KLHL32: variants seen among roughly 807,000 people sequenced by gnomAD.
KLHL32 encodes the protein kelch-like protein 32.
In KLHL32, 35 loss-of-function variants were observed where a neutral mutation model predicts 64.8. The ratio of observed to expected loss-of-function variants is 0.54; its 90% CI spans 0.41 to 0.72. The LOEUF (loss-of-function observed/expected upper bound fraction) is 0.72. Ranked by LOEUF, KLHL32 falls within the 30% of genes least tolerant of loss-of-function variation. KLHL32 has a pLI of 0.00. For synonymous variants in KLHL32, 259 were observed against 281.0 expected (o/e 0.92, Z 0.78); for missense variants, 589 against 768.5 (o/e 0.77, Z 2.76).
rs138422546 is a variant in KLHL32, at chr6:96,981,920, C to T, written c.204+5743C>T. 4.4e-3 allele frequency among the ~76,000 whole-genome samples: 661 copies of T among 151,946 alleles called. 14 individuals are homozygous for T. The highest frequency in any genetic ancestry group is 0.015 in the African/African-American group (635 of 41,462). Reference sequence around the variant, plus strand: ...TTACACTTTGGTCTGAGAGTGTGATCGGTATAATGTCAGTTTTTTTTAATT... The same window carrying T: ...TTACACTTTGGTCTGAGAGTGTGATTGGTATAATGTCAGTTTTTTTTAATT... On this transcript the variant is annotated intron_variant, in intron 3 of 10. Coordinates refer to ENST00000369261, the MANE Select transcript of KLHL32 (RefSeq NM_052904.4).
At chr6:97,060,667 A>T (rs1366560771) in intron 4 of KLHL32, among the ~76,000 whole-genome samples, 2 of 152,146 alleles carry the variant, frequency 1.3e-5, no homozygotes, top group Non-Finnish European at 2.9e-5. Context: ...CCTGTCTGCT[A>T]CCAACCCTGC....
At chr6:96,982,523 A>C (rs113156826) in intron 3 of KLHL32, among the ~76,000 whole-genome samples, 1 of 152,080 alleles carries the variant, frequency 6.6e-6, no homozygotes, top group South Asian at 2.1e-4. Flanking sequence ...CTGCCTTTTA[A>C]TTGGGGCATT....
chr6:97,084,419 C>T (rs1793076823), intron 5 of KLHL32, among the ~76,000 whole-genome samples: 1 of 152,084 alleles, frequency 6.6e-6, no homozygotes, highest in Non-Finnish European at 1.5e-5. Flanking sequence ...CAGGTAAAAT[C>T]CTCCCAAATT....
In KLHL32 at chr6:97,114,462, T is replaced by C; in HGVS notation, c.1307T>C (p.Leu436Pro). ...TTTGTTCAGTCCTTTGACAGATCCC[T>C]TTCATGCCATGCTGGATATGTGGCT... ...WTFVQSFDRS[L>P]SCHAGYVADG... is the part of the protein sequence containing the mutation. The change falls in exon 7 of 11, where the codon CTT becomes CCT. Residue 436 changes from leucine (L) to proline (P), a missense_variant. Transcript: ENST00000369261. 1 of 1,614,146 alleles carries C rather than the reference T, an allele frequency of 6.2e-7. No homozygotes were observed. Among genetic ancestry groups the C allele is most frequent in the Middle Eastern group, 1.6e-4 (1 of 6,062 alleles).
intron 6 of KLHL32, among the ~76,000 whole-genome samples, chr6:97,110,280 A>G (rs1796945262): frequency 6.6e-6 from 1 of 152,174 alleles, no homozygotes; most frequent in Non-Finnish European, 1.5e-5. Context: ...CTATAAAAGC[A>G]TCTAGAGTGT....
chr6:96,934,652 G>A (rs556020616), intron 1 of KLHL32, among the ~76,000 whole-genome samples: 5 of 152,322 alleles, frequency 3.3e-5, no homozygotes, highest in African/African-American at 1.2e-4. Context: ...CTAATTAGGC[G>A]GATTGCTGCA....
chr6:97,127,533 T>C (rs1212927308), intron 8 of KLHL32, 71 bp downstream of exon 8: 2 of 1,252,604 alleles, frequency 1.6e-6, no homozygotes, highest in Non-Finnish European at 2.3e-6. Context: ...TAATTAGTAA[T>C]TGGAATGCCA....
At chr6:97,064,291 A>G (rs1279545062) in intron 4 of KLHL32, among the ~76,000 whole-genome samples, 2 of 152,228 alleles carry the variant, frequency 1.3e-5, no homozygotes, top group African/African-American at 4.8e-5. Context: ...TGCATTTTAT[A>G]AGATTATATC....
intron 1 of KLHL32, among the ~76,000 whole-genome samples, chr6:96,945,659 A>G (rs1381648491): frequency 1.3e-5 from 2 of 152,220 alleles, no homozygotes; most frequent in African/African-American, 2.4e-5. Flanking sequence ...AACATTGGTG[A>G]CTTGGGCAGC....
intron 6 of KLHL32, among the ~76,000 whole-genome samples, chr6:97,100,965 G>GTTTTTTTTTTT (rs1562337104): frequency 6.9e-5 from 3 of 43,244 alleles, no homozygotes; most frequent in African/African-American, 2.2e-4. Flanking sequence ...CTGCAGCCAA[G>GTTTTTTTTTTT]CTTTTTTTTT....
intron 3 of KLHL32, among the ~76,000 whole-genome samples, chr6:97,025,572 G>A (rs1582756117): frequency 6.6e-6 from 1 of 152,314 alleles, no homozygotes; most frequent in East Asian, 1.9e-4. Flanking sequence ...AAGAAGTGGA[G>A]GAGAGGAGGT....
intron 6 of KLHL32, among the ~76,000 whole-genome samples, chr6:97,096,039 T>G (rs1229521405): frequency 2.0e-5 from 3 of 152,134 alleles, no homozygotes; most frequent in Non-Finnish European, 4.4e-5. Context: ...AGGCAACAAA[T>G]TTTGCTAAAT....
intron 6 of KLHL32, among the ~76,000 whole-genome samples, chr6:97,093,660 C>T (rs775077196): frequency 6.6e-6 from 1 of 152,146 alleles, no homozygotes; most frequent in Admixed American, 6.5e-5. Context: ...CCAATAAAGT[C>T]GTACAGGAAA....
chr6:96,931,878 A>AT (rs1306185484), intron 1 of KLHL32, among the ~76,000 whole-genome samples: 1 of 148,310 alleles, frequency 6.7e-6, no homozygotes, highest in Non-Finnish European at 1.5e-5. Flanking sequence ...CAAAATCATT[A>AT]TGAAAAAAAA....
At chr6:96,924,103 C>G (rs1184925945), upstream of KLHL32, among the ~76,000 whole-genome samples, 1 of 152,178 alleles carries the variant, frequency 6.6e-6, no homozygotes, top group Non-Finnish European at 1.5e-5. Context: ...GTTCCCCTGA[C>G]GTTTCTTAAA....
chr6:96,968,775 C>T (rs985170605), intron 2 of KLHL32, among the ~76,000 whole-genome samples: 5 of 152,070 alleles, frequency 3.3e-5, no homozygotes, highest in East Asian at 1.9e-4. Flanking sequence ...TGTTTGCCTC[C>T]GACTTCATTG....
the KLHL32 span, among the ~76,000 whole-genome samples, chr6:96,910,399 C>A: frequency 7.9e-5 from 12 of 152,102 alleles, no homozygotes; most frequent in African/African-American, 2.7e-4. Flanking sequence ...GGGCTTGCTC[C>A]CTTGTTCATG....
intron 5 of KLHL32, among the ~76,000 whole-genome samples, chr6:97,072,170 C>T (rs1487561795): frequency 6.6e-6 from 1 of 152,162 alleles, no homozygotes; most frequent in African/African-American, 2.4e-5. Context: ...GCCCCACATA[C>T]ACTGACACAG....
chr6:97,125,165 T>C (rs1404488744), intron 7 of KLHL32, among the ~76,000 whole-genome samples: 4 of 152,220 alleles, frequency 2.6e-5, no homozygotes, highest in Non-Finnish European at 4.4e-5. Flanking sequence ...TTAAAAATAG[T>C]CCTCTAGTTA....
Sources: allele counts gnomAD v4.1 joint callset (sites outside exome capture counted in the v4.1 genomes callset), GRCh38; gene constraint gnomAD v4.1.1; transcripts MANE v1.5; gene names NCBI Gene and HGNC (gene_info 2026-07-23, HGNC 2026-07-21).